MIA2: variants seen among roughly 807,000 people sequenced by gnomAD.
The protein encoded by MIA2 is MIA SH3 domain ER export factor 2.
In MIA2, 127 loss-of-function variants were observed where a neutral mutation model predicts 167.8. The observed-to-expected ratio is 0.76, with a 90% confidence interval of 0.66 to 0.88. The LOEUF (loss-of-function observed/expected upper bound fraction) is 0.88. MIA2 is among the 40% of genes least tolerant of loss of function. The pLI, the probability that MIA2 is intolerant of heterozygous loss-of-function variation, is 0.00. For synonymous variants in MIA2, 552 were observed against 541.9 expected, an observed-to-expected ratio of 1.02 and a Z score of -0.26; for missense variants, 1,690 against 1,624.7, an observed-to-expected ratio of 1.04 and a Z score of -0.69.
chr14:39,246,002 T>C (rs1255336719), intron 3 of MIA2, among the ~76,000 whole-genome samples: 3 of 152,188 alleles, frequency 2.0e-5, no homozygotes, highest in Non-Finnish European at 4.4e-5. Context: ...TGCATGCCTT[T>C]TCATCAGATT....
At chr14:39,256,976 C>T (rs1238070487) in intron 6 of MIA2, among the ~76,000 whole-genome samples, 1 of 152,142 alleles carries the variant, frequency 6.6e-6, no homozygotes, top group Non-Finnish European at 1.5e-5. Flanking sequence ...GTCTGAGAGA[C>T]TGTTACGATT....
chr14:39,363,676 A>G (rs1205027826), intron 23 of MIA2, among the ~76,000 whole-genome samples: 1 of 152,154 alleles, frequency 6.6e-6, no homozygotes, highest in Non-Finnish European at 1.5e-5. Flanking sequence ...TGCTTCAGAT[A>G]TTTCTTCTAG....
At chr14:39,377,542 A>G (rs533063453) in intron 23 of MIA2, among the ~76,000 whole-genome samples, 7 of 152,326 alleles carry the variant, frequency 4.6e-5, no homozygotes, top group African/African-American at 1.7e-4. Context: ...AAATTGTAGA[A>G]AATAATAAAA....
intron 14 of MIA2, among the ~76,000 whole-genome samples, chr14:39,300,429 CATA>C (rs1351853938): frequency 6.6e-6 from 1 of 151,822 alleles, no homozygotes; most frequent in Non-Finnish European, 1.5e-5. Context: ...TGACTCCAGT[CATA>C]AGAATAAAAG....
intron 9 of MIA2, among the ~76,000 whole-genome samples, chr14:39,287,497 A>G (rs1378326863): frequency 1.3e-5 from 2 of 151,614 alleles, no homozygotes; most frequent in East Asian, 1.9e-4. Context: ...TTTTTCATAA[A>G]TGGCTTTTGT....
In MIA2 at chr14:39,279,327, T is replaced by C. The variant is rs1594941594; in HGVS notation, c.2020-10T>C. The C allele has an allele frequency of 1.3e-6, 2 of 1,599,500 alleles. No homozygotes were observed. Among genetic ancestry groups the C allele is most frequent in the African/African-American group, 1.4e-5 (1 of 73,980 alleles). ...GTTTTAATGTAATTTTTGTTAAAAA[T>C]TTGTTTCAGGTTAGGAGTCGGCTTT... On this transcript the variant is annotated splice_polypyrimidine_tract_variant and intron_variant, in intron 7 of 28. Transcript: ENST00000640607.
chr14:39,317,535 C>CA (rs2065701529), intron 21 of MIA2, among the ~76,000 whole-genome samples: 1 of 152,106 alleles, frequency 6.6e-6, no homozygotes, highest in Non-Finnish European at 1.5e-5. Flanking sequence ...ACATGGCTCA[C>CA]ACTGTCAACT....
intron 6 of MIA2, chr14:39,265,450 A>G: frequency 6.3e-7 from 1 of 1,579,368 alleles, no homozygotes; most frequent in Non-Finnish European, 8.6e-7. Context: ...AGCATACTGA[A>G]ACAAATGAGG....
chr14:39,321,856 G>T (rs969216834), intron 24 of MIA2, among the ~76,000 whole-genome samples: 2 of 151,272 alleles, frequency 1.3e-5, no homozygotes, highest in African/African-American at 4.9e-5. Context: ...TGCCTCCCAG[G>T]TAGCTTGGAT....
chr14:39,348,966 C>T lies in MIA2; in HGVS notation c.4061C>T (p.Ala1354Val), dbSNP rs759990866. Residue 1354 changes from alanine to valine, a missense_variant, in exon 28 of 29, where the codon GCT becomes GTT. Coordinates refer to ENST00000640607, the MANE Select transcript of MIA2 (RefSeq NM_001329214.4). ...GGGGATTTCCCAGGTCCACCACCTG[C>T]TCCATTTGCAAGTATGCTTTTTTAA... ...PPGDFPGPPP[A>V]PFAMRNVYPP... is the part of the protein sequence containing the mutation. 6 of 1,613,208 alleles carry T rather than the reference C, an allele frequency of 3.7e-6. No individual in the cohort carries two copies. The highest frequency in any genetic ancestry group is 5.1e-6 in the Non-Finnish European group (6 of 1,179,190).
In MIA2 at chr14:39,291,053, A is replaced by G. The variant is rs2060669930; in HGVS notation, c.2165A>G (p.Asp722Gly). 4.4e-6 allele frequency: 7 copies of G among 1,608,176 alleles called. No homozygotes were observed. Among genetic ancestry groups the G allele is most frequent in the South Asian group, 1.1e-5 (1 of 89,346 alleles). ...EGYEVESSLK[D>G]ASFEKEATEA... ...TATGAAGTAGAGTCATCTTTAAAGGATGCCAGCTTTGAGAAGGAGGCAACA... is the reference window on the plus strand; with the variant it reads ...TATGAAGTAGAGTCATCTTTAAAGGGTGCCAGCTTTGAGAAGGAGGCAACA... The change falls in exon 10 of 29, where the codon GAT (aspartate) becomes GGT (glycine). Residue 722 changes from aspartate (D) to glycine (G), a missense_variant. Asp to Gly is a moderately conservative substitution (Grantham distance 94). Transcript: ENST00000640607.
intron 25 of MIA2, among the ~76,000 whole-genome samples, chr14:39,338,271 C>T (rs937605126): frequency 6.6e-6 from 1 of 152,140 alleles, no homozygotes; most frequent in East Asian, 1.9e-4. Flanking sequence ...TTACAATACA[C>T]TATAGTTATG....
chr14:39,287,349 A>G (rs1318323691), intron 9 of MIA2, among the ~76,000 whole-genome samples: 1 of 152,106 alleles, frequency 6.6e-6, no homozygotes, highest in Non-Finnish European at 1.5e-5. Context: ...TGCTGGGATT[A>G]CAGGTGTGAG....
At chr14:39,262,963 A>T (rs1194214051) in intron 6 of MIA2, among the ~76,000 whole-genome samples, 1 of 152,216 alleles carries the variant, frequency 6.6e-6, no homozygotes, top group Non-Finnish European at 1.5e-5. Context: ...ACCTGCAAAC[A>T]GGGGCAATTT....
In MIA2 at chr14:39,266,398, C is replaced by A. The variant is rs566091711; in HGVS notation, c.1888-10536C>A. The A allele has an allele frequency of 1.2e-5, 12 of 985,378 alleles. No individual in the cohort carries two copies. In the South Asian group the frequency reaches 1.4e-4, roughly 12 times the overall value. The allele number at this position is 985,378 out of a possible 1,614,324, so 61.0% of individuals were successfully genotyped here. ...AGAAGGCAAGGTGCTACTTTTAGCT[C>A]CTCTTCTCGGAGGAAAACAGCACGC... On this transcript the variant is annotated intron_variant, in intron 6 of 28. Transcript: ENST00000640607.
rs1566596407 is a variant in MIA2 at position 39,248,132 on chromosome 14, A to T, written c.1558A>T (p.Ser520Cys). ...TKVMIFKSSY[S>C]LSDMVSNIEL... ...AGTTATGATATTCAAAAGTTCATAC[A>T]GTCTGTCAGGTTGGTATGAAAATAT... The change falls in exon 4 of 29, where the codon AGT (serine) becomes TGT (cysteine). Residue 520 changes from serine (S) to cysteine (C), a missense_variant. Physicochemically the swap from Ser to Cys is moderately radical, Grantham distance 112. Coordinates refer to ENST00000640607, the MANE Select transcript of MIA2 (RefSeq NM_001329214.4). 1 of 1,455,760 alleles carries T rather than the reference A, an allele frequency of 6.9e-7. No homozygotes were observed. The highest frequency in any genetic ancestry group is 2.4e-5 in the East Asian group (1 of 42,032). The allele number at this position is 1,455,760 out of a possible 1,614,324, so 90.2% of individuals were successfully genotyped here. A position where few individuals can be genotyped will look rare whatever the true frequency, so the allele number is the denominator to read the frequency against.
intron 17 of MIA2, among the ~76,000 whole-genome samples, chr14:39,308,098 A>G (rs1206657553): frequency 6.6e-6 from 1 of 152,092 alleles, no homozygotes; most frequent in Non-Finnish European, 1.5e-5. Flanking sequence ...TATTTGTCAT[A>G]TTGTTATTTT....
At chr14:39,316,503 A>C (rs1194390030) in intron 21 of MIA2, among the ~76,000 whole-genome samples, 1 of 152,176 alleles carries the variant, frequency 6.6e-6, no homozygotes, top group Non-Finnish European at 1.5e-5. Flanking sequence ...AATTCATGTA[A>C]GGTTGTTGCC....
chr14:39,293,048 A>G (rs1423644974), intron 10 of MIA2, among the ~76,000 whole-genome samples: 1 of 152,194 alleles, frequency 6.6e-6, no homozygotes, highest in East Asian at 1.9e-4. Context: ...GAGTAATTGC[A>G]ACAAAGACTG....
Sources: allele counts gnomAD v4.1 joint callset (sites outside exome capture counted in the v4.1 genomes callset), GRCh38; gene constraint gnomAD v4.1.1; transcripts MANE v1.5; gene names NCBI Gene and HGNC (gene_info 2026-07-23, HGNC 2026-07-21).